PCDHGA4: variants seen among roughly 807,000 people sequenced by gnomAD.
PCDHGA4 encodes the protein protocadherin gamma-A4.
Under a neutral mutation model 54.6 loss-of-function variants are expected in PCDHGA4, and 38 were observed. The observed-to-expected ratio is 0.70, with a 90% CI of 0.54 to 0.91. The LOEUF is 0.91. Among genes scored for constraint, PCDHGA4 ranks in the 40% least tolerant of loss-of-function variants. The pLI, the probability that PCDHGA4 is intolerant of heterozygous loss-of-function variation, is 0.00. For missense variants in PCDHGA4, 1,298 were observed against 1,220.9 expected (o/e 1.06, Z -0.94); for synonymous variants, 511 against 512.9 (o/e 1.00, Z 0.05).
At chr5:141,366,768 G>A (rs903318821) in intron 1 of PCDHGA4, 26 of 1,601,610 alleles carry the variant, frequency 1.6e-5, no homozygotes, top group Non-Finnish European at 2.0e-5. Flanking sequence ...TTTCTCTTTC[G>A]GTAAGGATGA....
chr5:141,427,469 C>T lies in PCDHGA4; in HGVS notation c.2515-67338C>T, dbSNP rs116302471. The T allele has an allele frequency of 9.8e-3, 5,010 of 510,088 alleles. 35 individuals are homozygous for T. Among genetic ancestry groups the T allele is most frequent in the Non-Finnish European group, 0.012 (3,225 of 262,464 alleles). 31.6% of individuals were successfully genotyped at this position (510,088 alleles called of 1,614,324 possible). A position where few individuals can be genotyped will look rare whatever the true frequency, so the allele number is the denominator to read the frequency against. On this transcript the variant is annotated intron_variant, in intron 1 of 3. Coordinates refer to ENST00000571252, the MANE Select transcript of PCDHGA4 (RefSeq NM_018917.4). Reference sequence around the variant, plus strand: ...GAGTTCCTTTTAGAATCGAATCTTCCGCCAATAATGACTATAAGCTTGTAA... The same window carrying T: ...GAGTTCCTTTTAGAATCGAATCTTCTGCCAATAATGACTATAAGCTTGTAA...
chr5:141,408,661 G>A (rs1462103250), intron 1 of PCDHGA4: 1 of 1,613,770 alleles, frequency 6.2e-7, no homozygotes, highest in Non-Finnish European at 8.5e-7. Context: ...CACGACTATC[G>A]CTTGACCCTG....
At chr5:141,372,562 C>G in intron 1 of PCDHGA4, 1 of 1,614,054 alleles carries the variant, frequency 6.2e-7, no homozygotes. Context: ...AGACCCGCCA[C>G]TGAGGGCTAC....
chr5:141,423,035 C>T (rs1220219512), intron 1 of PCDHGA4: 2 of 1,614,214 alleles, frequency 1.2e-6, no homozygotes, highest in Admixed American at 3.3e-5. Flanking sequence ...GGCCAGAACG[C>T]CTGGCTGTCC....
rs2099648980 is a variant in PCDHGA4 at position 141,487,537 on chromosome 5, G to A, written c.2515-7270G>A. ...CTCGGAGTGATAGCTTCATGATGGT[G>A]AAGTCACCCAGTGCACCTATGGCAG... On this transcript the variant is annotated intron_variant, in intron 1 of 3. Transcript: ENST00000571252. The surrounding 1 kb of genome is among the most constrained non-coding windows in gnomAD (Gnocchi z 5.0). The A allele has an allele frequency of 1.2e-6, 2 of 1,614,188 alleles. No individual in the cohort carries two copies. Among genetic ancestry groups the A allele is most frequent in the Admixed American group, 1.7e-5 (1 of 60,028 alleles).
At chr5:141,409,986 A>G (rs995773112) in intron 1 of PCDHGA4, 27 of 1,612,796 alleles carry the variant, frequency 1.7e-5, no homozygotes, top group Non-Finnish European at 2.2e-5. Context: ...GTAGCGGTGG[A>G]CGCCGACTCG....
At chr5:141,375,420 A>G (rs777736413) in intron 1 of PCDHGA4, 6 of 1,614,002 alleles carry the variant, frequency 3.7e-6, no homozygotes, top group Admixed American at 3.3e-5. Flanking sequence ...GCAGACACCA[A>G]CGACAACCCG....
In PCDHGA4 at chr5:141,486,546, G is replaced by A. The variant is rs1156517969; in HGVS notation, c.2515-8261G>A. Reference sequence around the variant, plus strand: ...GATAATCCACCCTCTTTCTTTCAGAGGTCACATGAGGTGTTTGTTCCTGAG... The same window carrying A: ...GATAATCCACCCTCTTTCTTTCAGAAGTCACATGAGGTGTTTGTTCCTGAG... On this transcript the variant is annotated intron_variant, in intron 1 of 3. Coordinates refer to ENST00000571252, the MANE Select transcript of PCDHGA4 (RefSeq NM_018917.4). The surrounding 1 kb of genome is among the most constrained non-coding windows in gnomAD (Gnocchi z 5.0). 3 of 1,614,084 alleles carry A rather than the reference G, an allele frequency of 1.9e-6. No homozygotes were observed. The East Asian group carries it at 6.7e-5, about 36-fold the overall frequency.
intron 1 of PCDHGA4, chr5:141,404,338 G>A (rs752211796): frequency 1.9e-5 from 30 of 1,613,686 alleles, no homozygotes; most frequent in Non-Finnish European, 2.4e-5. Flanking sequence ...TCTACCTCCC[G>A]GAAAACAACG....
At chr5:141,401,756 A>G (rs560146125) in intron 1 of PCDHGA4, among the ~76,000 whole-genome samples, 2 of 152,332 alleles carry the variant, frequency 1.3e-5, no homozygotes, top group African/African-American at 4.8e-5. Context: ...CTCCCATTAC[A>G]TGGTATAAGT....
chr5:141,395,547 TGTGTGTGTGTG>T (rs750624769), intron 1 of PCDHGA4: 54,616 of 173,956 alleles, frequency 0.31, 7,840 homozygotes, highest in East Asian at 0.41. Context: ...ATTGTTTGTG[TGTGTGTGTGTG>T]TGTGTGTGTG....
intron 1 of PCDHGA4, chr5:141,408,243 G>T: frequency 6.3e-7 from 1 of 1,583,996 alleles, no homozygotes; most frequent in African/African-American, 1.3e-5. Context: ...GCCGGCCCGC[G>T]GCAGGTGCTA....
chr5:141,377,605 C>CTCA (rs200405264), intron 1 of PCDHGA4: 6 of 140,756 alleles, frequency 4.3e-5, no homozygotes, highest in South Asian at 4.7e-4. Context: ...CTCTCTCTCT[C>CTCA]AAAAAAAAAA....
intron 1 of PCDHGA4, among the ~76,000 whole-genome samples, chr5:141,424,888 G>C (rs2096846233): frequency 6.6e-6 from 1 of 152,178 alleles, no homozygotes; most frequent in Non-Finnish European, 1.5e-5. Context: ...GACTTATCTA[G>C]GGTTTTTGAT....
At position 141,512,881 on chromosome 5, in the gene PCDHGA4, C is replaced by T. The variant is rs1274589284; in HGVS notation, c.*1708C>T. 1.3e-5 allele frequency: 2 copies of T among 152,268 alleles called. No homozygotes were observed. Among genetic ancestry groups the T allele is most frequent in the African/African-American group, 4.8e-5 (2 of 41,458 alleles). 9.4% of individuals were successfully genotyped at this position (152,268 alleles called of 1,614,324 possible). On this transcript the variant is annotated 3_prime_UTR_variant, in exon 4 of 4. Coordinates refer to ENST00000571252, the MANE Select transcript of PCDHGA4 (RefSeq NM_018917.4). Reference sequence around the variant, plus strand: ...TCGCATAGTCACGTAGCTCCCACCCCACCCTCTTCCTGTGTCTCACGCAAG... The same window carrying T: ...TCGCATAGTCACGTAGCTCCCACCCTACCCTCTTCCTGTGTCTCACGCAAG...
At chr5:141,452,227 T>C (rs2098736376) in intron 1 of PCDHGA4, among the ~76,000 whole-genome samples, 1 of 152,232 alleles carries the variant, frequency 6.6e-6, no homozygotes, top group African/African-American at 2.4e-5. Context: ...CTCTTCAAGC[T>C]GGTTCTTGTG....
intron 1 of PCDHGA4, chr5:141,413,033 T>C: frequency 1.3e-6 from 1 of 776,760 alleles, no homozygotes; most frequent in Non-Finnish European, 2.0e-6. Context: ...ACAAACCGGC[T>C]GCTGGGCTGC....
intron 1 of PCDHGA4, among the ~76,000 whole-genome samples, chr5:141,459,324 T>G (rs2098966238): frequency 6.6e-6 from 1 of 152,226 alleles, no homozygotes; most frequent in African/African-American, 2.4e-5. Flanking sequence ...ATCCATCTTC[T>G]TTTACTCCAA....
intron 2 of PCDHGA4, among the ~76,000 whole-genome samples, chr5:141,498,555 C>T (rs2099784323): frequency 6.6e-6 from 1 of 152,032 alleles, no homozygotes; most frequent in South Asian, 2.1e-4. Flanking sequence ...GACACACCAG[C>T]TTCAAAGCAG....
Sources: gnomAD v4.1 joint callset for allele counts (sites outside exome capture counted in the v4.1 genomes callset) on GRCh38, gnomAD v4.1.1 for gene constraint, Gnocchi (gnomAD v3.1) non-coding constraint, MANE v1.5 for transcripts, NCBI Gene and HGNC (gene_info 2026-07-23, HGNC 2026-07-21) for gene names.